THSD7A: variants seen among roughly 807,000 people sequenced by gnomAD.
The protein encoded by THSD7A is thrombospondin type-1 domain-containing protein 7A.
THSD7A carries 96 observed loss-of-function variants against 231.3 expected under a neutral mutation model. The ratio of observed to expected loss-of-function variants is 0.41; its 90% CI spans 0.35 to 0.49. The LOEUF is 0.49. THSD7A is among the 20% of genes least tolerant of loss of function. The pLI, the probability that THSD7A is intolerant of heterozygous loss-of-function variation, is 0.05. For missense variants in THSD7A, 2,290 were observed against 2,070.2 expected (o/e 1.11, Z -2.06); for synonymous variants, 940 against 743.3 (o/e 1.26, Z -4.30).
At chr7:11,421,143 T>C (rs1158006261) in intron 16 of THSD7A, among the ~76,000 whole-genome samples, 1 of 152,136 alleles carries the variant, frequency 6.6e-6, no homozygotes, top group East Asian at 1.9e-4. Context: ...TTTTGAAATA[T>C]GAGAAATACA....
At chr7:11,769,069 T>C (rs1783121570) in intron 1 of THSD7A, among the ~76,000 whole-genome samples, 1 of 141,456 alleles carries the variant, frequency 7.1e-6, no homozygotes, top group Non-Finnish European at 1.5e-5. Flanking sequence ...GTGATTCTCC[T>C]GCCTCAGCCT....
At chr7:11,433,681 T>C (rs1784546840) in intron 13 of THSD7A, among the ~76,000 whole-genome samples, 1 of 151,986 alleles carries the variant, frequency 6.6e-6, no homozygotes, top group South Asian at 2.1e-4. Flanking sequence ...TTTAGCTCAG[T>C]AATTATAACT....
chr7:11,379,936 G>A (rs1476502371), intron 24 of THSD7A, among the ~76,000 whole-genome samples: 1 of 152,062 alleles, frequency 6.6e-6, no homozygotes, highest in East Asian at 1.9e-4. Context: ...TACTCAGCAG[G>A]TATTCAACAA....
intron 1 of THSD7A, among the ~76,000 whole-genome samples, chr7:11,679,553 T>C (rs1783783799): frequency 6.6e-6 from 1 of 151,464 alleles, no homozygotes. Flanking sequence ...TATACACTAA[T>C]AATAGACAGA....
At chr7:11,518,017 A>T (rs565714935) in intron 6 of THSD7A, among the ~76,000 whole-genome samples, 71 of 152,212 alleles carry the variant, frequency 4.7e-4, no homozygotes, top group Non-Finnish European at 6.8e-4. Flanking sequence ...CAGAGACAGA[A>T]GGACCTGGAT....
intron 6 of THSD7A, among the ~76,000 whole-genome samples, chr7:11,521,409 C>G (rs896477078): frequency 2.0e-5 from 3 of 151,650 alleles, no homozygotes; most frequent in African/African-American, 4.9e-5. Context: ...ATATAGAACT[C>G]TCTAGAGACA....
At chr7:11,734,241 G>C (rs1282548563) in intron 1 of THSD7A, among the ~76,000 whole-genome samples, 1 of 151,802 alleles carries the variant, frequency 6.6e-6, no homozygotes, top group Non-Finnish European at 1.5e-5. Flanking sequence ...TTAAAATTTT[G>C]CCTCGCCCCA....
At chr7:11,430,878 A>G (rs1168621092) in intron 13 of THSD7A, among the ~76,000 whole-genome samples, 1 of 152,156 alleles carries the variant, frequency 6.6e-6, no homozygotes, top group Non-Finnish European at 1.5e-5. Flanking sequence ...GACATTTCAC[A>G]TTGTTTATCC....
At chr7:11,659,805 A>G (rs1279817129) in intron 1 of THSD7A, among the ~76,000 whole-genome samples, 1 of 151,534 alleles carries the variant, frequency 6.6e-6, no homozygotes, top group Middle Eastern at 3.2e-3. Flanking sequence ...ATCTCTTCCA[A>G]TGAGCACACT....
chr7:11,748,301 C>G (rs567728956), intron 1 of THSD7A, among the ~76,000 whole-genome samples: 1 of 151,828 alleles, frequency 6.6e-6, no homozygotes. Context: ...GCTTGGGTAA[C>G]AGGAGAGTGA....
chr7:11,690,768 T>G (rs1255895077), intron 1 of THSD7A, among the ~76,000 whole-genome samples: 4 of 151,904 alleles, frequency 2.6e-5, no homozygotes, highest in South Asian at 2.1e-4. Context: ...TTATATAGAC[T>G]AAAATTAAAC....
rs186136806 is a variant in THSD7A, at chr7:11,830,207, C to T, written c.190+1550G>A. On this transcript the variant is annotated intron_variant, in intron 1 of 27. Coordinates refer to ENST00000423059, the MANE Select transcript of THSD7A (RefSeq NM_015204.3). ...ACATTTATGATGACATATATTGACA[C>T]CTCAGATGCTGTACAGTGAATGTTG... is the stretch of plus-strand genomic sequence containing the variant. Among the ~76,000 whole-genome samples, 165 of 152,278 alleles carry T rather than the reference C, an allele frequency of 1.1e-3. 1 individual carries two copies. Among genetic ancestry groups the T allele is most frequent in the Middle Eastern group, 3.4e-3 (1 of 294 alleles).
At chr7:11,780,536 T>C (rs115959926) in intron 1 of THSD7A, among the ~76,000 whole-genome samples, 5,432 of 152,180 alleles carry the variant, frequency 0.036, 325 homozygotes, top group African/African-American at 0.12. Flanking sequence ...AGCTCTAACA[T>C]GCTAAGCATG....
chr7:11,811,605 A>G (rs1261956878), intron 1 of THSD7A, among the ~76,000 whole-genome samples: 1 of 152,186 alleles, frequency 6.6e-6, no homozygotes, highest in Admixed American at 6.6e-5. Context: ...AGTACACGAG[A>G]CAGAATGAGA....
chr7:11,710,353 A>G (rs991774871), intron 1 of THSD7A, among the ~76,000 whole-genome samples: 5 of 150,928 alleles, frequency 3.3e-5, no homozygotes, highest in African/African-American at 4.8e-5. Flanking sequence ...CATTTGTTTC[A>G]GACCCCTTGG....
intron 4 of THSD7A, among the ~76,000 whole-genome samples, chr7:11,546,190 G>A (rs530661840): frequency 4.2e-5 from 3 of 71,822 alleles, no homozygotes; most frequent in Admixed American, 1.6e-4. Context: ...GTTGTTGCTG[G>A]TGTGGGCGCG....
chr7:11,754,093 C>A (rs896629785), intron 1 of THSD7A, among the ~76,000 whole-genome samples: 2 of 151,828 alleles, frequency 1.3e-5, no homozygotes, highest in African/African-American at 4.8e-5. Flanking sequence ...AAAAAGCATT[C>A]AATAGAAACC....
At chr7:11,681,320 G>A (rs1783860816) in intron 1 of THSD7A, among the ~76,000 whole-genome samples, 1 of 151,938 alleles carries the variant, frequency 6.6e-6, no homozygotes, top group Non-Finnish European at 1.5e-5. Flanking sequence ...ACATAGGCAT[G>A]GGCAATGTAT....
rs61106938 is a variant in THSD7A, at chr7:11,740,318, A to C, written c.190+91439T>G. Among the ~76,000 whole-genome samples the C allele has an allele frequency of 1.1e-3, 165 of 152,112 alleles. 2 individuals carry two copies. Among genetic ancestry groups the C allele is most frequent in the African/African-American group, 3.8e-3 (156 of 41,546 alleles). On this transcript the variant is annotated intron_variant, in intron 1 of 27. Coordinates refer to ENST00000423059, the MANE Select transcript of THSD7A (RefSeq NM_015204.3). ...CAGCTGAGCATATCTGACGAGGTAC[A>C]TGAGAGAAATTGTATACACCTCCCT...
Sources: allele counts gnomAD v4.1 joint callset (sites outside exome capture counted in the v4.1 genomes callset), GRCh38; gene constraint gnomAD v4.1.1; transcripts MANE v1.5; gene names NCBI Gene and HGNC (gene_info 2026-07-23, HGNC 2026-07-21).